The following CDH23 variants were observed in gnomAD, a reference collection of about 807,000 sequenced individuals.
CDH23 encodes the protein cadherin related 23, also known as cadherin-23.
CDH23 carries 189 observed loss-of-function variants against 317.1 expected under a neutral mutation model. The ratio of observed to expected loss-of-function variants is 0.60; its 90% confidence interval spans 0.53 to 0.67. The LOEUF is 0.67. CDH23 is among the 30% of genes least tolerant of loss of function. The pLI is 0.00. For missense variants in CDH23, 4,401 were observed against 4,592.4 expected (o/e 0.96, Z 1.20); for synonymous variants, 1,839 against 1,876.8 (o/e 0.98, Z 0.52).
intron 24 of CDH23, among the ~76,000 whole-genome samples, chr10:71,704,294 G>A (rs926061257): frequency 1.3e-5 from 2 of 152,112 alleles, no homozygotes; most frequent in Non-Finnish European, 2.9e-5. Context: ...AGGGTACCAG[G>A]GTCTTGAGTC....
chr10:71,462,145 G>A (rs1179831476), intron 3 of CDH23, among the ~76,000 whole-genome samples: 1 of 152,246 alleles, frequency 6.6e-6, no homozygotes, highest in Non-Finnish European at 1.5e-5. Flanking sequence ...TAGCAGATGT[G>A]TGAATTAAGA....
intron 6 of CDH23, among the ~76,000 whole-genome samples, chr10:71,538,703 C>T (rs1255097546): frequency 1.3e-5 from 2 of 152,190 alleles, no homozygotes; most frequent in African/African-American, 2.4e-5. Flanking sequence ...GCAACAAACT[C>T]GCAGGAGTTT....
At chr10:71,433,826 C>T (rs1456203516) in intron 1 of CDH23, among the ~76,000 whole-genome samples, 1 of 144,988 alleles carries the variant, frequency 6.9e-6, no homozygotes, top group Non-Finnish European at 1.5e-5. Context: ...CCACACCGCT[C>T]CCCTGCCTGG....
At chr10:71,803,551 ACTTTTTTAATT>A in intron 55 of CDH23, 131 bp downstream of exon 55, 1 of 804,726 alleles carries the variant, frequency 1.2e-6, no homozygotes, top group Non-Finnish European at 1.9e-6. Context: ...GAAAAAAAAA[ACTTTTTTAATT>A]AAATAAAAGT....
chr10:71,415,535 G>T lies in CDH23; in HGVS notation c.-6+18217G>T, dbSNP rs552274854. Among the ~76,000 whole-genome samples, 5 of 152,178 alleles carry T rather than the reference G, an allele frequency of 3.3e-5. No individual in the cohort carries two copies. In the East Asian group the frequency reaches 9.6e-4, roughly 29 times the overall value. On this transcript the variant is annotated intron_variant, in intron 1 of 69. Transcript: ENST00000224721. ...TGTCATTAATTTTTCATCAGAATTT[G>T]TATTTCTTTTCTTCAGTTTTAATTT...
intron 18 of CDH23, among the ~76,000 whole-genome samples, chr10:71,683,274 G>A (rs746843046): frequency 5.9e-5 from 9 of 152,232 alleles, no homozygotes; most frequent in Middle Eastern, 3.2e-3. Flanking sequence ...GGGAGACAGC[G>A]AACGCGTGTT....
chr10:71,617,375 G>A lies in CDH23; in HGVS notation c.1116G>A (p.Gln372=), dbSNP rs1441762631. 1 of 1,613,564 alleles carries A rather than the reference G, an allele frequency of 6.2e-7. No homozygotes were observed. Among genetic ancestry groups the A allele is most frequent in the African/African-American group, 1.3e-5 (1 of 74,856 alleles). ...GCTTTGCCCTTCCACTCTTCATCCAGGTGGTGGACAAGGATGAGGTGAGTC... is the reference window on the plus strand; with the variant it reads ...GCTTTGCCCTTCCACTCTTCATCCAAGTGGTGGACAAGGATGAGGTGAGTC... ...QVGFALPLFI[Q]VVDKDENLGL... is the part of the protein sequence containing the mutation. Residue 372 remains glutamine, a synonymous_variant, in exon 11 of 70, where the codon CAG becomes CAA. Coordinates refer to ENST00000224721, the MANE Select transcript of CDH23 (RefSeq NM_022124.6).
intron 6 of CDH23, among the ~76,000 whole-genome samples, chr10:71,517,402 C>T (rs1398321623): frequency 1.3e-5 from 2 of 152,230 alleles, no homozygotes; most frequent in Non-Finnish European, 1.5e-5. Flanking sequence ...GGTGGCCAGA[C>T]AGGGTCCAGA....
intron 6 of CDH23, among the ~76,000 whole-genome samples, chr10:71,550,043 G>A (rs1238041242): frequency 1.3e-5 from 2 of 152,254 alleles, no homozygotes; most frequent in South Asian, 2.1e-4. Flanking sequence ...TTGGAAACAG[G>A]GTATTGGGAG....
chr10:71,578,030 C>A, intron 9 of CDH23, 38 bp downstream of exon 9: 7 of 1,546,356 alleles, frequency 4.5e-6, no homozygotes, highest in Non-Finnish European at 6.1e-6. Context: ...TCTCACCCCT[C>A]TGTCCTCCAC....
At chr10:71,812,704 G>T in intron 67 of CDH23, 64 bp from the exon 68 acceptor site, 1 of 1,611,696 alleles carries the variant, frequency 6.2e-7, no homozygotes. Context: ...TTAAGGGGTG[G>T]CCCCCTCCCT....
Position 71,435,873 on chromosome 10 carries a change from A to G in CDH23, c.-5-3954A>G, listed in dbSNP as rs187780663. 1.8e-3 allele frequency among the ~76,000 whole-genome samples: 281 copies of G among 152,342 alleles called. 3 individuals carry two copies. In the South Asian group the frequency reaches 0.027, roughly 15 times the overall value. ...GGGTACTGAGGAATGCCAGCAGGCA[A>G]AGCAGCATCCCTCACCACACTGAGG... On this transcript the variant is annotated intron_variant, in intron 1 of 69. Coordinates refer to ENST00000224721, the MANE Select transcript of CDH23 (RefSeq NM_022124.6).
chr10:71,492,807 G>A (rs1227605425), intron 3 of CDH23, among the ~76,000 whole-genome samples: 2 of 152,214 alleles, frequency 1.3e-5, no homozygotes, highest in African/African-American at 2.4e-5. Context: ...GACACAGGGC[G>A]GGGTGTGCTG....
In CDH23 at chr10:71,815,419, G is replaced by A. The variant is rs535544696; in HGVS notation, c.*141G>A. ...AACCTTGGCTTGGCCCTGGCAGCCCGCATCAGCTGCTCAGATCCCACTTTT... is the reference window on the plus strand; with the variant it reads ...AACCTTGGCTTGGCCCTGGCAGCCCACATCAGCTGCTCAGATCCCACTTTT... On this transcript the variant is annotated 3_prime_UTR_variant, in exon 70 of 70. Coordinates refer to ENST00000224721, the MANE Select transcript of CDH23 (RefSeq NM_022124.6). The A allele has an allele frequency of 9.6e-5, 66 of 688,606 alleles. No homozygotes were observed. The highest frequency in any genetic ancestry group is 9.5e-4 in the African/African-American group (53 of 55,792). The allele number at this position is 688,606 out of a possible 1,614,324, so 42.7% of individuals were successfully genotyped here. A position where few individuals can be genotyped will look rare whatever the true frequency, so the allele number is the denominator to read the frequency against.
chr10:71,627,782 G>A (rs1036926141), intron 11 of CDH23, among the ~76,000 whole-genome samples: 1 of 152,168 alleles, frequency 6.6e-6, no homozygotes, highest in Non-Finnish European at 1.5e-5. Context: ...TCCTGAGCAG[G>A]GCTGGCACCA....
chr10:71,467,342 AACAG>A (rs1851303643), intron 3 of CDH23, among the ~76,000 whole-genome samples: 2 of 152,158 alleles, frequency 1.3e-5, no homozygotes, highest in Non-Finnish European at 2.9e-5. Flanking sequence ...GGCTTGCTGA[AACAG>A]ATGGCTGGGC....
At chr10:71,617,056 T>G in intron 10 of CDH23, 149 bp from the exon 11 acceptor site, 1 of 1,105,736 alleles carries the variant, frequency 9.0e-7, no homozygotes, top group Non-Finnish European at 1.3e-6. Flanking sequence ...ATACTAATGA[T>G]AAAATCCTCC....
At chr10:71,779,223 G>A (rs978321281) in intron 40 of CDH23, 44 bp from the exon 41 acceptor site, 5 of 1,590,684 alleles carry the variant, frequency 3.1e-6, no homozygotes, top group Non-Finnish European at 4.3e-6. Context: ...CCAGCACAAA[G>A]CTGGCTGGGG....
chr10:71,769,088 T>G (rs1840627057), intron 38 of CDH23, among the ~76,000 whole-genome samples: 1 of 152,240 alleles, frequency 6.6e-6, no homozygotes, highest in South Asian at 2.1e-4. Context: ...CCTGGCCACG[T>G]CTACCACATA....
Sources: gnomAD v4.1 joint callset for allele counts (sites outside exome capture counted in the v4.1 genomes callset) on GRCh38, gnomAD v4.1.1 for gene constraint, MANE v1.5 for transcripts, NCBI Gene and HGNC (gene_info 2026-07-23, HGNC 2026-07-21) for gene names.